ELP4: variants seen among roughly 807,000 people sequenced by gnomAD.
The protein encoded by ELP4 is elongator acetyltransferase complex subunit 4.
In ELP4, 51 loss-of-function variants were observed where a neutral mutation model predicts 48.9. The observed-to-expected ratio is 1.04, with a 90% CI of 0.83 to 1.32. The LOEUF (loss-of-function observed/expected upper bound fraction) is 1.32. Ranked by LOEUF, ELP4 falls within the 40% of genes most tolerant of loss-of-function variation. The pLI is 0.00. For missense variants in ELP4, 519 were observed against 514.6 expected (o/e 1.01, Z -0.08); for synonymous variants, 210 against 189.2 (o/e 1.11, Z -0.90).
intron 9 of ELP4, among the ~76,000 whole-genome samples, chr11:31,775,698 G>C (rs531969196): frequency 1.3e-4 from 20 of 152,082 alleles, no homozygotes; most frequent in Non-Finnish European, 2.6e-4. Context: ...CAGGTGCGAT[G>C]GTTCACACCT....
intron 3 of ELP4, among the ~76,000 whole-genome samples, chr11:31,551,792 TTTCAGCA>T (rs1363641193): frequency 7.9e-5 from 12 of 152,286 alleles, no homozygotes; most frequent in African/African-American, 2.9e-4. Flanking sequence ...TTTTAAATAA[TTTCAGCA>T]ACTTGTTTGT....
chr11:31,786,785 C>A lies in ELP4; in HGVS notation c.*3261C>A, dbSNP rs2134316807. 4.5e-6 allele frequency: 1 copy of A among 220,962 alleles called. No homozygotes were observed. Among genetic ancestry groups the A allele is most frequent in the East Asian group, 6.6e-5 (1 of 15,078 alleles). The allele number at this position is 220,962 out of a possible 1,614,324, so 13.7% of individuals were successfully genotyped here. ...TTGGGGGAAAAATATTCTAGAAATT[C>A]ATTGCAGTAAAATGCATTTTTTTAC... On this transcript the variant is annotated 3_prime_UTR_variant, in exon 10 of 10. Transcript: ENST00000640961.
At chr11:31,591,527 A>T (rs1340924381) in intron 3 of ELP4, among the ~76,000 whole-genome samples, 1 of 152,068 alleles carries the variant, frequency 6.6e-6, no homozygotes, top group Non-Finnish European at 1.5e-5. Context: ...TCGTTAGGAA[A>T]ATGCAAATCC....
chr11:31,677,423 A>G (rs1031909901), intron 9 of ELP4, among the ~76,000 whole-genome samples: 2 of 152,224 alleles, frequency 1.3e-5, no homozygotes, highest in African/African-American at 4.8e-5. Flanking sequence ...AACTATGGAA[A>G]CTGAGGATCT....
chr11:31,664,698 T>C (rs1945634656), intron 9 of ELP4, among the ~76,000 whole-genome samples: 1 of 152,100 alleles, frequency 6.6e-6, no homozygotes, highest in Admixed American at 6.6e-5. Flanking sequence ...AAGTCTTATT[T>C]CTGGAAATAT....
intron 3 of ELP4, among the ~76,000 whole-genome samples, chr11:31,561,381 A>G (rs2133942674): frequency 6.6e-6 from 1 of 152,274 alleles, no homozygotes; most frequent in South Asian, 2.1e-4. Flanking sequence ...TCTCTCTTTG[A>G]GCATGGAATT....
chr11:31,605,896 T>G (rs999486296), intron 5 of ELP4, among the ~76,000 whole-genome samples: 22 of 152,070 alleles, frequency 1.4e-4, no homozygotes, highest in Non-Finnish European at 2.4e-4. Context: ...TGTCAGTGAC[T>G]GAGCTAACAC....
At chr11:31,617,209 T>G in intron 5 of ELP4, among the ~76,000 whole-genome samples, 1 of 152,134 alleles carries the variant, frequency 6.6e-6, no homozygotes, top group Non-Finnish European at 1.5e-5. Context: ...TACCATATAA[T>G]GAAATGTTAT....
chr11:31,623,848 TCAAA>T (rs1944680917), intron 5 of ELP4, among the ~76,000 whole-genome samples: 1 of 143,824 alleles, frequency 7.0e-6, no homozygotes, highest in African/African-American at 2.4e-5. Context: ...ATTAAGGAAC[TCAAA>T]CAACACAATA....
intron 9 of ELP4, among the ~76,000 whole-genome samples, chr11:31,775,679 C>T (rs1184144281): frequency 6.6e-6 from 1 of 151,864 alleles, no homozygotes; most frequent in Non-Finnish European, 1.5e-5. Context: ...TACAAAAAAG[C>T]TTAAAGGCCA....
chr11:31,606,701 G>A (rs1957882422), intron 5 of ELP4, among the ~76,000 whole-genome samples: 1 of 152,122 alleles, frequency 6.6e-6, no homozygotes, highest in African/African-American at 2.4e-5. Flanking sequence ...TAATAAGCTG[G>A]TTTTGAGAAT....
intron 9 of ELP4, among the ~76,000 whole-genome samples, chr11:31,745,379 G>A (rs1296999353): frequency 6.6e-6 from 1 of 152,048 alleles, no homozygotes; most frequent in East Asian, 1.9e-4. Context: ...TCACAGAATT[G>A]GAAAAAACTA....
chr11:31,703,999 G>T (rs1359021656), intron 9 of ELP4, among the ~76,000 whole-genome samples: 1 of 152,048 alleles, frequency 6.6e-6, no homozygotes, highest in Non-Finnish European at 1.5e-5. Context: ...ACACTTCTGA[G>T]ATCTGATAGT....
chr11:31,557,815 T>A (rs760773945), intron 3 of ELP4, among the ~76,000 whole-genome samples: 2 of 152,108 alleles, frequency 1.3e-5, no homozygotes, highest in African/African-American at 2.4e-5. Context: ...TTCTGACCGT[T>A]GGTATCAGTC....
intron 9 of ELP4, among the ~76,000 whole-genome samples, chr11:31,685,240 A>G (rs1946136662): frequency 6.6e-6 from 1 of 152,088 alleles, no homozygotes; most frequent in African/African-American, 2.4e-5. Context: ...AATCCCAGCT[A>G]CTTGGGAGGC....
At chr11:31,692,813 A>T (rs1258463380) in intron 9 of ELP4, among the ~76,000 whole-genome samples, 1 of 152,116 alleles carries the variant, frequency 6.6e-6, no homozygotes, top group Non-Finnish European at 1.5e-5. Flanking sequence ...CATATCCTTC[A>T]GGCTGCAGTT....
intron 3 of ELP4, among the ~76,000 whole-genome samples, chr11:31,562,448 T>A (rs1001011474): frequency 6.6e-6 from 1 of 152,166 alleles, no homozygotes; most frequent in Non-Finnish European, 1.5e-5. Context: ...AAGAGAAATG[T>A]GATAGGGATC....
chr11:31,572,193 G>T (rs552632487), intron 3 of ELP4, among the ~76,000 whole-genome samples: 1 of 152,316 alleles, frequency 6.6e-6, no homozygotes, highest in South Asian at 2.1e-4. Context: ...ACTTGCTGCA[G>T]TTTCAACTTC....
chr11:31,574,201 C>T (rs11031413), intron 3 of ELP4, among the ~76,000 whole-genome samples: 9,859 of 152,172 alleles, frequency 0.065, 859 homozygotes, highest in African/African-American at 0.19. Flanking sequence ...TTTCAGCAGT[C>T]TGAGATCGAA....
Sources: gnomAD v4.1 joint callset for allele counts (sites outside exome capture counted in the v4.1 genomes callset) on GRCh38, gnomAD v4.1.1 for gene constraint, MANE v1.5 for transcripts, NCBI Gene and HGNC (gene_info 2026-07-23, HGNC 2026-07-21) for gene names.